Variants in CEACAM3 observed in about 807,000 individuals in gnomAD.
CEACAM3 encodes CEA cell adhesion molecule 3, also known as cell adhesion molecule CEACAM3.
A neutral mutation model predicts 30.1 loss-of-function variants in CEACAM3; 32 were observed. That is an observed-to-expected ratio of 1.06 (90% CI 0.80 to 1.43). The LOEUF (loss-of-function observed/expected upper bound fraction) is 1.43, where lower values mean the gene tolerates loss of function less well. Among genes scored for constraint, CEACAM3 ranks in the 40% most tolerant of loss-of-function variants. The pLI, the probability that CEACAM3 is intolerant of heterozygous loss-of-function variation, is 0.00. For missense variants in CEACAM3, 290 were observed against 316.3 expected (o/e 0.92, Z 0.63); for synonymous variants, 134 against 127.2 (o/e 1.05, Z -0.36).
chr19:41,798,826 G>A (rs551093245), intron 2 of CEACAM3, among the ~76,000 whole-genome samples: 56 of 152,148 alleles, frequency 3.7e-4, no homozygotes, highest in African/African-American at 8.7e-4. Context: ...CACAAACAAC[G>A]TCACAGCCAA....
At chr19:41,807,006 A>C in intron 2 of CEACAM3, 1 of 1,542,550 alleles carries the variant, frequency 6.5e-7, no homozygotes, top group Non-Finnish European at 8.8e-7. Context: ...TCTTTTAAGG[A>C]GTGGAGTTGG....
intron 2 of CEACAM3, among the ~76,000 whole-genome samples, chr19:41,804,877 T>TCTAA (rs1555826518): frequency 6.6e-6 from 1 of 151,980 alleles, no homozygotes; most frequent in Non-Finnish European, 1.5e-5. Context: ...AACTCCTTTG[T>TCTAA]CTAAACTCCT....
intron 2 of CEACAM3, among the ~76,000 whole-genome samples, chr19:41,804,074 T>G (rs1280439019): frequency 1.3e-5 from 2 of 148,356 alleles, no homozygotes; most frequent in East Asian, 3.9e-4. Flanking sequence ...AGAGCAAAAC[T>G]CTGCCTCAAA....
chr19:41,803,497 C>T (rs1382266435), intron 2 of CEACAM3, among the ~76,000 whole-genome samples: 1 of 134,180 alleles, frequency 7.5e-6, no homozygotes, highest in Middle Eastern at 5.1e-3. Flanking sequence ...GACAGAGTCT[C>T]GCTCTGTACC....
At chr19:41,806,378 T>A (rs1003169579) in intron 2 of CEACAM3, among the ~76,000 whole-genome samples, 1 of 152,066 alleles carries the variant, frequency 6.6e-6, no homozygotes, top group Non-Finnish European at 1.5e-5. Context: ...GTCACCATGA[T>A]ATACCTGGAA....
intron 2 of CEACAM3, chr19:41,807,164 A>G (rs782168877): frequency 6.5e-7 from 1 of 1,531,922 alleles, no homozygotes; most frequent in Non-Finnish European, 8.8e-7. Flanking sequence ...CAAGGAGGAC[A>G]AGGATGCTGT....
intron 2 of CEACAM3, among the ~76,000 whole-genome samples, chr19:41,802,606 C>G (rs2073160350): frequency 6.6e-6 from 1 of 152,096 alleles, no homozygotes; most frequent in South Asian, 2.1e-4. Context: ...GGGGCTGGGA[C>G]AAGGAGGGAC....
intron 3 of CEACAM3, 130 bp downstream of exon 3, chr19:41,809,060 T>G (rs1568743708): frequency 1.5e-6 from 1 of 665,612 alleles, no homozygotes; most frequent in Non-Finnish European, 2.6e-6. Flanking sequence ...CCTTCCCTCT[T>G]ATTCCACGGC....
intron 2 of CEACAM3, among the ~76,000 whole-genome samples, chr19:41,806,566 A>G (rs921554942): frequency 2.0e-4 from 30 of 152,174 alleles, no homozygotes; most frequent in Non-Finnish European, 3.7e-4. Context: ...CAGTTGAGAA[A>G]GTCTCTTCTT....
In CEACAM3 at chr19:41,803,743, G is replaced by A. The variant is rs1421966047; in HGVS notation, c.425-5070G>A. Among the ~76,000 whole-genome samples the A allele has an allele frequency of 5.1e-4, 24 of 46,976 alleles. 1 individual carries two copies. The highest frequency in any genetic ancestry group is 6.6e-4 in the African/African-American group (19 of 28,718). The allele number at this position is 46,976 out of a possible 152,430, so 30.8% of individuals were successfully genotyped here. The stretch of plus-strand genomic sequence containing the variant: ...GGCCTCCAAAAGTGCTGGGATTACA[G>A]GCATGAGCCACCATGCCCGGCCTGA... On this transcript the variant is annotated intron_variant, in intron 2 of 6. Transcript: ENST00000357396.
intron 4 of CEACAM3, 23 bp from the exon 5 acceptor site, chr19:41,810,300 C>A: frequency 6.2e-7 from 1 of 1,601,146 alleles, no homozygotes. Context: ...CACCCTGCTG[C>A]TCACTCCTGT....
chr19:41,803,214 G>A (rs1398183285), intron 2 of CEACAM3, among the ~76,000 whole-genome samples: 1 of 152,134 alleles, frequency 6.6e-6, no homozygotes, highest in Non-Finnish European at 1.5e-5. Flanking sequence ...CCCCATGCAG[G>A]AACAGATGGG....
chr19:41,808,836 G>A lies in CEACAM3; in HGVS notation c.448G>A (p.Val150Met). Residue 150 changes from valine (V) to methionine (M), a missense_variant, in exon 3 of 7, where the codon GTG becomes ATG. Val to Met is a conservative substitution (Grantham distance 21). Transcript: ENST00000357396. ...VYQENAPGLP[V>M]GAVAGIVTGV... Reference sequence around the variant, plus strand: ...AGAAGAAAATGCCCCAGGCCTTCCTGTGGGGGCCGTCGCCGGCATCGTGAC... The same window carrying A: ...AGAAGAAAATGCCCCAGGCCTTCCTATGGGGGCCGTCGCCGGCATCGTGAC... 1 of 1,612,496 alleles carries A rather than the reference G, an allele frequency of 6.2e-7. No individual in the cohort carries two copies. Among genetic ancestry groups the A allele is most frequent in the Non-Finnish European group, 8.5e-7 (1 of 1,179,124 alleles).
At position 41,811,307 on chromosome 19, in the gene CEACAM3, G is replaced by C. The variant is rs2073248857; in HGVS notation, c.*70G>C. On this transcript the variant is annotated 3_prime_UTR_variant, in exon 7 of 7. Coordinates refer to ENST00000357396, the MANE Select transcript of CEACAM3 (RefSeq NM_001815.5). ...GGCCCCCAGCCCTGGGGATGGGGAA[G>C]GACATGAAGCCTGAGCCAGAGAACC... 9.7e-6 allele frequency: 13 copies of C among 1,342,192 alleles called. No individual in the cohort carries two copies. The highest frequency in any genetic ancestry group is 1.4e-5 in the Non-Finnish European group (13 of 936,848). 83.1% of individuals were successfully genotyped at this position (1,342,192 alleles called of 1,614,324 possible).
At chr19:41,798,666 A>G (rs1225460466) in intron 2 of CEACAM3, among the ~76,000 whole-genome samples, 2 of 152,222 alleles carry the variant, frequency 1.3e-5, no homozygotes, top group African/African-American at 4.8e-5. Flanking sequence ...GAAAAAGAAG[A>G]GAGAAGATGC....
chr19:41,798,994 T>C (rs781795167), intron 2 of CEACAM3, among the ~76,000 whole-genome samples: 1 of 152,218 alleles, frequency 6.6e-6, no homozygotes, highest in Non-Finnish European at 1.5e-5. Context: ...GGCGTTATTA[T>C]TAGACATCTG....
intron 4 of CEACAM3, 142 bp from the exon 5 acceptor site, chr19:41,810,181 T>C: frequency 1.6e-6 from 2 of 1,277,306 alleles, no homozygotes; most frequent in Non-Finnish European, 2.2e-6. Context: ...GGGTCAGCCC[T>C]CACCTGTGGG....
At chr19:41,809,867 C>T in intron 3 of CEACAM3, 98 bp from the exon 4 acceptor site, 4 of 1,196,110 alleles carry the variant, frequency 3.3e-6, no homozygotes, top group Non-Finnish European at 4.9e-6. Context: ...TCTCCATGCC[C>T]ATCCTTGAAA....
chr19:41,802,588 T>A (rs2073160059), intron 2 of CEACAM3, among the ~76,000 whole-genome samples: 1 of 152,136 alleles, frequency 6.6e-6, no homozygotes, highest in African/African-American at 2.4e-5. Flanking sequence ...AGGGGAGGGA[T>A]CAATCTTGGG....
Sources: allele counts gnomAD v4.1 joint callset (sites outside exome capture counted in the v4.1 genomes callset), GRCh38; gene constraint gnomAD v4.1.1; transcripts MANE v1.5; gene names NCBI Gene and HGNC (gene_info 2026-07-23, HGNC 2026-07-21).